Variants in PEPD observed in about 807,000 individuals in gnomAD.
The protein encoded by PEPD is xaa-Pro dipeptidase.
In PEPD, 53 loss-of-function variants were observed where a neutral mutation model predicts 60.7. That is an observed-to-expected ratio of 0.87 (90% CI 0.70 to 1.10). The LOEUF (loss-of-function observed/expected upper bound fraction) is 1.10, where lower values mean the gene tolerates loss of function less well. Among genes scored for constraint, PEPD ranks in the 50% least tolerant of loss-of-function variants. PEPD has a pLI of 0.00. For synonymous variants in PEPD, 267 were observed against 284.1 expected (o/e 0.94, Z 0.60); for missense variants, 711 against 711.9 (o/e 1.00, Z 0.01).
At chr19:33,451,007 C>T (rs977324515) in intron 9 of PEPD, among the ~76,000 whole-genome samples, 1 of 152,216 alleles carries the variant, frequency 6.6e-6, no homozygotes, top group Non-Finnish European at 1.5e-5. Flanking sequence ...GCATAAACTG[C>T]CCCTTACTCT....
chr19:33,422,835 T>TATCTATCTATCTATCTATCC (rs748895413), intron 9 of PEPD, among the ~76,000 whole-genome samples: 2 of 146,044 alleles, frequency 1.4e-5, no homozygotes, highest in African/African-American at 5.0e-5. Flanking sequence ...TCTATCTATC[T>TATCTATCTATCTATCTATCC]ATCCATCTAT....
At chr19:33,387,838 A>C in intron 14 of PEPD, 52 bp downstream of exon 14, 1 of 1,392,038 alleles carries the variant, frequency 7.2e-7, no homozygotes, top group Non-Finnish European at 1.0e-6. Flanking sequence ...CTGCAGCTGC[A>C]GTGGAGGTGG....
At chr19:33,420,680 C>T (rs537178914) in intron 9 of PEPD, among the ~76,000 whole-genome samples, 5 of 150,180 alleles carry the variant, frequency 3.3e-5, no homozygotes, top group East Asian at 1.9e-4. Flanking sequence ...CCAGCCTGGG[C>T]GACAAAGCCA....
intron 1 of PEPD, 61 bp downstream of exon 1, chr19:33,521,683 C>T: frequency 6.5e-7 from 1 of 1,530,776 alleles, no homozygotes; most frequent in Non-Finnish European, 8.8e-7. Flanking sequence ...CGCGGTCCGG[C>T]CGGGACACCC....
chr19:33,449,025 A>G (rs1173648151), intron 9 of PEPD, among the ~76,000 whole-genome samples: 2 of 152,196 alleles, frequency 1.3e-5, no homozygotes, highest in Non-Finnish European at 2.9e-5. Flanking sequence ...ACACTCCCCA[A>G]CCAAGACCCT....
intron 4 of PEPD, among the ~76,000 whole-genome samples, chr19:33,497,313 C>T (rs780832325): frequency 1.3e-5 from 2 of 152,244 alleles, no homozygotes; most frequent in Non-Finnish European, 2.9e-5. Context: ...TCACATATGC[C>T]TGGCGCCATA....
chr19:33,444,804 A>C (rs1163094864), intron 9 of PEPD, among the ~76,000 whole-genome samples: 1 of 151,978 alleles, frequency 6.6e-6, no homozygotes, highest in Non-Finnish European at 1.5e-5. Flanking sequence ...GCCACACCCC[A>C]TCCACCATGT....
chr19:33,394,529 C>T (rs1968319338), intron 12 of PEPD, among the ~76,000 whole-genome samples: 1 of 152,230 alleles, frequency 6.6e-6, no homozygotes, highest in Admixed American at 6.5e-5. Context: ...AGTGATTCAA[C>T]CTCCAGCAAC....
intron 9 of PEPD, among the ~76,000 whole-genome samples, chr19:33,442,744 T>C (rs1292122051): frequency 1.3e-5 from 2 of 151,686 alleles, no homozygotes; most frequent in Non-Finnish European, 2.9e-5. Flanking sequence ...AATAAAAATT[T>C]AAAAATAAAT....
At chr19:33,444,695 C>T (rs148535257) in intron 9 of PEPD, among the ~76,000 whole-genome samples, 4 of 151,664 alleles carry the variant, frequency 2.6e-5, no homozygotes, top group African/African-American at 9.7e-5. Flanking sequence ...CACTCACCCC[C>T]CAAAGCCAAG....
At chr19:33,452,865 G>A (rs1969722205) in intron 9 of PEPD, among the ~76,000 whole-genome samples, 1 of 152,190 alleles carries the variant, frequency 6.6e-6, no homozygotes, top group African/African-American at 2.4e-5. Context: ...AAACAGCCAA[G>A]CCCTATGCTT....
intron 13 of PEPD, 63 bp from the exon 14 acceptor site, chr19:33,388,144 G>C: frequency 2.2e-6 from 3 of 1,372,974 alleles, no homozygotes; most frequent in Non-Finnish European, 3.0e-6. Context: ...GCCTCATCAG[G>C]AGAGATGGGC....
intron 6 of PEPD, among the ~76,000 whole-genome samples, chr19:33,485,936 G>A (rs1313060568): frequency 6.6e-6 from 1 of 152,072 alleles, no homozygotes; most frequent in Non-Finnish European, 1.5e-5. Flanking sequence ...TCTGGGAGGC[G>A]ACTGCCTTGT....
intron 6 of PEPD, among the ~76,000 whole-genome samples, chr19:33,486,455 C>T (rs1195495197): frequency 1.3e-5 from 2 of 152,112 alleles, no homozygotes; most frequent in African/African-American, 4.8e-5. Flanking sequence ...TCCCGGCCTA[C>T]ACCCTTCACG....
At chr19:33,478,937 A>G in intron 6 of PEPD, among the ~76,000 whole-genome samples, 1 of 152,334 alleles carries the variant, frequency 6.6e-6, no homozygotes, top group East Asian at 1.9e-4. Flanking sequence ...GTATAAATGT[A>G]TTTTTTGTTT....
At chr19:33,439,102 G>A (rs1215348242) in intron 9 of PEPD, among the ~76,000 whole-genome samples, 3 of 152,266 alleles carry the variant, frequency 2.0e-5, no homozygotes, top group African/African-American at 4.8e-5. Context: ...CCAAGGACAG[G>A]ACATGGAGTC....
intron 4 of PEPD, among the ~76,000 whole-genome samples, chr19:33,497,889 C>T (rs1171914314): frequency 1.8e-4 from 28 of 152,276 alleles, no homozygotes; most frequent in Admixed American, 1.8e-3. Flanking sequence ...CTACAGCAGC[C>T]CTCCTTTCTG....
chr19:33,468,744 A>T (rs922540853), intron 7 of PEPD, among the ~76,000 whole-genome samples: 2 of 152,106 alleles, frequency 1.3e-5, no homozygotes, highest in African/African-American at 4.8e-5. Flanking sequence ...GGGAATGTGG[A>T]AAAAACAAAC....
At chr19:33,411,865 G>A (rs1168943743) in intron 10 of PEPD, 116 bp from the exon 11 acceptor site, 1 of 728,398 alleles carries the variant, frequency 1.4e-6, no homozygotes, top group Non-Finnish European at 2.5e-6. Flanking sequence ...CTCCAGCACA[G>A]GCCCAGGCGT....
Sources: gnomAD v4.1 joint callset for allele counts (sites outside exome capture counted in the v4.1 genomes callset) on GRCh38, gnomAD v4.1.1 for gene constraint, MANE v1.5 for transcripts, NCBI Gene and HGNC (gene_info 2026-07-23, HGNC 2026-07-21) for gene names.